The following OSBPL11 variants were observed in gnomAD, a reference collection of about 807,000 sequenced individuals.
OSBPL11 encodes the protein oxysterol-binding protein-related protein 11.
Under a neutral mutation model 84.4 loss-of-function variants are expected in OSBPL11, and 33 were observed. That is an observed-to-expected ratio of 0.39 (90% CI 0.30 to 0.52). The LOEUF is 0.52. Ranked by LOEUF, OSBPL11 falls within the 20% of genes least tolerant of loss-of-function variation. The pLI is 0.72. For missense variants in OSBPL11, 736 were observed against 901.1 expected (o/e 0.82, Z 2.35); for synonymous variants, 276 against 310.2 (o/e 0.89, Z 1.16).
intron 8 of OSBPL11, 128 bp downstream of exon 8, chr3:125,560,251 A>C: frequency 1.2e-6 from 1 of 867,358 alleles, no homozygotes; most frequent in Non-Finnish European, 1.5e-6. Context: ...ACAAGAGCAA[A>C]ACTCCATCTC....
At chr3:125,545,267 C>T (rs183499634) in intron 10 of OSBPL11, among the ~76,000 whole-genome samples, 20 of 152,202 alleles carry the variant, frequency 1.3e-4, no homozygotes, top group African/African-American at 4.3e-4. Context: ...GTTTGTCTAT[C>T]TCGAAAAAGT....
chr3:125,556,638 G>C (rs971769322), intron 8 of OSBPL11, among the ~76,000 whole-genome samples: 3 of 152,190 alleles, frequency 2.0e-5, no homozygotes, highest in Admixed American at 2.0e-4. Context: ...AGAAGCTAAA[G>C]CCAGAGACTC....
At chr3:125,582,204 G>T (rs892642926) in intron 2 of OSBPL11, among the ~76,000 whole-genome samples, 2 of 151,820 alleles carry the variant, frequency 1.3e-5, no homozygotes, top group African/African-American at 4.8e-5. Flanking sequence ...GTATGGTGGC[G>T]CATGCCTGTA....
chr3:125,560,290 GTAAA>G (rs1314589743), intron 8 of OSBPL11, 85 bp downstream of exon 8: 1 of 1,186,748 alleles, frequency 8.4e-7, no homozygotes, highest in South Asian at 3.2e-5. Context: ...AATTTAAAAA[GTAAA>G]TAAATAAAAA....
At position 125,567,552 on chromosome 3, in the gene OSBPL11, C is replaced by A. The variant is rs775266350; in HGVS notation, c.710G>T (p.Arg237Leu). ...GCCAGAAGTAGGAAGGCATTCAATT[C>A]GTCTAATTAAGTCTCTTTGTTGTCC... The part of the protein sequence containing the change: ...AEGQQRDLIR[R>L]IECLPTSGHL... The change falls in exon 6 of 13, where the codon CGA becomes CTA. Residue 237 changes from arginine (R) to leucine (L), a missense_variant. Transcript: ENST00000296220. 3.1e-6 allele frequency: 5 copies of A among 1,614,020 alleles called. No individual in the cohort carries two copies. The highest frequency in any genetic ancestry group is 4.2e-6 in the Non-Finnish European group (5 of 1,180,008).
At chr3:125,549,891 G>A (rs1250724757) in intron 9 of OSBPL11, among the ~76,000 whole-genome samples, 2 of 152,098 alleles carry the variant, frequency 1.3e-5, no homozygotes, top group African/African-American at 2.4e-5. Context: ...CTTTGGGAGA[G>A]TGTCAAAGAA....
chr3:125,576,460 A>G, intron 4 of OSBPL11, 95 bp from the exon 5 acceptor site: 7 of 921,302 alleles, frequency 7.6e-6, no homozygotes, highest in Non-Finnish European at 1.1e-5. Context: ...ACACATGAGC[A>G]GCGTTTAAAA....
At chr3:125,582,865 T>A in intron 2 of OSBPL11, 45 bp downstream of exon 2, 1 of 1,336,388 alleles carries the variant, frequency 7.5e-7, no homozygotes, top group Non-Finnish European at 1.0e-6. Context: ...GCCCTATTCC[T>A]GCTCTCTTAG....
intron 6 of OSBPL11, among the ~76,000 whole-genome samples, chr3:125,566,080 A>C (rs1438599012): frequency 6.6e-6 from 1 of 152,112 alleles, no homozygotes; most frequent in Non-Finnish European, 1.5e-5. Context: ...ATCTGGGCTC[A>C]CTGCACCCTC....
At chr3:125,572,306 C>T (rs966715134) in intron 5 of OSBPL11, among the ~76,000 whole-genome samples, 5 of 152,154 alleles carry the variant, frequency 3.3e-5, no homozygotes, top group African/African-American at 1.2e-4. Context: ...GCAGAAGGGA[C>T]TTGCCTTGTC....
intron 2 of OSBPL11, among the ~76,000 whole-genome samples, chr3:125,582,238 G>A (rs905265253): frequency 2.0e-5 from 3 of 151,604 alleles, no homozygotes; most frequent in Non-Finnish European, 4.4e-5. Context: ...AGGAGGCTGA[G>A]ACAGAAGAAT....
intron 1 of OSBPL11, among the ~76,000 whole-genome samples, chr3:125,583,363 T>C (rs951234099): frequency 6.6e-6 from 1 of 151,696 alleles, no homozygotes; most frequent in Admixed American, 6.6e-5. Context: ...GGAGGATCAC[T>C]TGAGGTCAGG....
At chr3:125,584,225 G>A (rs977939614) in intron 1 of OSBPL11, among the ~76,000 whole-genome samples, 2 of 152,098 alleles carry the variant, frequency 1.3e-5, no homozygotes, top group Non-Finnish European at 2.9e-5. Flanking sequence ...AATTAGCCAG[G>A]TGTGGTGGCA....
Position 125,563,852 on chromosome 3 carries a change from G to A in OSBPL11, c.869-9C>T, listed in dbSNP as rs773590011. The A allele has an allele frequency of 2.2e-5, 35 of 1,609,318 alleles. No homozygotes were observed. Among genetic ancestry groups the A allele is most frequent in the African/African-American group, 5.4e-5 (4 of 74,632 alleles). On this transcript the variant is annotated splice_polypyrimidine_tract_variant and intron_variant, in intron 6 of 12. Coordinates refer to ENST00000296220, the MANE Select transcript of OSBPL11 (RefSeq NM_022776.5). ...CCACTCGATTGTCGTTCCTGATGGA[G>A]TAAGAGAAAACTTTCGCTGAAACTT... is the stretch of plus-strand genomic sequence containing the variant.
chr3:125,562,867 G>A (rs1580051847), intron 7 of OSBPL11, among the ~76,000 whole-genome samples: 1 of 151,924 alleles, frequency 6.6e-6, no homozygotes, highest in East Asian at 1.9e-4. Context: ...CGGAGGTTGC[G>A]GTGAGCTGAG....
chr3:125,555,045 A>T (rs1015507532), intron 8 of OSBPL11, among the ~76,000 whole-genome samples: 1 of 152,148 alleles, frequency 6.6e-6, no homozygotes, highest in Non-Finnish European at 1.5e-5. Context: ...GAGTCAGTGG[A>T]TTGGGAGAGG....
intron 5 of OSBPL11, among the ~76,000 whole-genome samples, chr3:125,569,153 G>C (rs1530654): frequency 2.0e-5 from 3 of 151,666 alleles, no homozygotes; most frequent in African/African-American, 7.3e-5. Context: ...TTTTCCATGA[G>C]GCCCATGCTG....
Position 125,530,554 on chromosome 3 carries a change from T to C in OSBPL11, c.2205A>G (p.Pro735=), listed in dbSNP as rs1227657991. The C allele has an allele frequency of 6.2e-7, 1 of 1,613,944 alleles. No homozygotes were observed. The highest frequency in any genetic ancestry group is 1.7e-5 in the Admixed American group (1 of 60,016). The change falls in exon 13 of 13, where the codon CCA becomes CCG. Residue 735 remains proline, a synonymous_variant. Coordinates refer to ENST00000296220, the MANE Select transcript of OSBPL11 (RefSeq NM_022776.5). ...GTGTTGTTGGAATTATTTTCCAAAG[T>C]GGTTTATGATAAACCCAGCCATCTC... is the stretch of plus-strand genomic sequence containing the variant. The part of the protein sequence containing the change: ...KEGDGWVYHK[P]LWKIIPTTQP...
At chr3:125,532,061 TAATTA>T (rs767487771) in intron 11 of OSBPL11, 47 bp from the exon 12 acceptor site, 39 of 1,547,260 alleles carry the variant, frequency 2.5e-5, no homozygotes, top group Middle Eastern at 1.7e-4. Context: ...TTAAAAGAGA[TAATTA>T]AATAGAATCA....
Sources: allele counts gnomAD v4.1 joint callset (sites outside exome capture counted in the v4.1 genomes callset), GRCh38; gene constraint gnomAD v4.1.1; transcripts MANE v1.5; gene names NCBI Gene and HGNC (gene_info 2026-07-23, HGNC 2026-07-21).